NTNG2: variants seen among roughly 807,000 people sequenced by gnomAD.
The protein encoded by NTNG2 is netrin-G2.
In NTNG2, 15 loss-of-function variants were observed where a neutral mutation model predicts 47.6. The ratio of observed to expected loss-of-function variants is 0.32; its 90% CI spans 0.21 to 0.49. The LOEUF (loss-of-function observed/expected upper bound fraction) is 0.49. Ranked by LOEUF, NTNG2 falls within the 20% of genes least tolerant of loss-of-function variation. The pLI is 0.99. For synonymous variants in NTNG2, 307 were observed against 324.6 expected (o/e 0.95, Z 0.58); for missense variants, 578 against 764.6 (o/e 0.76, Z 2.88).
rs144738721 is a variant in NTNG2 at position 132,172,492 on chromosome 9, T to G, written c.213+5448T>G. ...GAGCACGGTGCTTGGCACATAGTAG[T>G]TGCTCACTGCGTGCTGGCTGTTGGG... On this transcript the variant is annotated intron_variant, in intron 2 of 7. Coordinates refer to ENST00000393229, the MANE Select transcript of NTNG2 (RefSeq NM_032536.4). Among the ~76,000 whole-genome samples the G allele has an allele frequency of 5.2e-3, 785 of 152,328 alleles. 6 individuals carry two copies. The highest frequency in any genetic ancestry group is 0.017 in the African/African-American group (720 of 41,566).
chr9:132,197,967 A>G lies in NTNG2; in HGVS notation c.215A>G (p.Glu72Gly). The G allele has an allele frequency of 1.9e-6, 3 of 1,608,864 alleles. No individual in the cohort carries two copies. Among genetic ancestry groups the G allele is most frequent in the Non-Finnish European group, 2.5e-6 (3 of 1,177,252 alleles). Residue 72 changes from glutamate to glycine, a missense_variant and splice_region_variant, in exon 3 of 8, where the codon GAG becomes GGG. Coordinates refer to ENST00000393229, the MANE Select transcript of NTNG2 (RefSeq NM_032536.4). The surrounding 1 kb of genome is among the most constrained non-coding windows in gnomAD (Gnocchi z 4.3). ...TCCCTTCTCCTCTCCCCGCTGCAGGAGAATCCCTACCTATGCAGCAACGAG... is the reference window on the plus strand; with the variant it reads ...TCCCTTCTCCTCTCCCCGCTGCAGGGGAATCCCTACCTATGCAGCAACGAG... ...GDPPERFCSH[E>G]NPYLCSNECD...
rs1468632525 is a variant in NTNG2 at position 132,195,091 on chromosome 9, TTTTCTTTCTTTCTC to T, written c.214-2861_214-2848del. 3.3e-5 allele frequency among the ~76,000 whole-genome samples: 5 copies of T among 152,354 alleles called. No homozygotes were observed. In the East Asian group the frequency reaches 9.6e-4, roughly 29 times the overall value. Reference sequence around the variant, plus strand: ...TGGTTGTTAGTGACAGTGTTCGTTTTTTTCTTTCTTTCTCTTTCTTTCTTTCTTTCATTCATTAA... The same window carrying T: ...TGGTTGTTAGTGACAGTGTTCGTTTTTTTCTTTCTTTCTTTCATTCATTAA... On this transcript the variant is annotated intron_variant, in intron 2 of 7. Transcript: ENST00000393229.
intron 2 of NTNG2, among the ~76,000 whole-genome samples, chr9:132,191,959 T>C (rs1458665069): frequency 4.6e-5 from 7 of 152,234 alleles, no homozygotes. Context: ...TCATGAAATA[T>C]TTAAAGAGGC....
At chr9:132,174,560 C>T (rs374814149) in intron 2 of NTNG2, among the ~76,000 whole-genome samples, 4 of 152,100 alleles carry the variant, frequency 2.6e-5, no homozygotes, top group Non-Finnish European at 5.9e-5. Flanking sequence ...CCTCGAAGGA[C>T]GTGTGTACAA....
intron 3 of NTNG2, among the ~76,000 whole-genome samples, chr9:132,202,063 G>A (rs1838801953): frequency 6.6e-6 from 1 of 152,238 alleles, no homozygotes; most frequent in African/African-American, 2.4e-5. Flanking sequence ...CTGGCCCGGT[G>A]GCTGCCTCAT....
rs1490559273 is a variant in NTNG2 at position 132,242,143 on chromosome 9, AGGCCGGG to A, written c.*35_*41del. 7 of 1,050,384 alleles carry A rather than the reference AGGCCGGG, an allele frequency of 6.7e-6. No individual in the cohort carries two copies. The highest frequency in any genetic ancestry group is 5.2e-5 in the Admixed American group (1 of 19,404). 65.1% of individuals were successfully genotyped at this position (1,050,384 alleles called of 1,614,324 possible). ...CCCGGAGGACGCTCCCCGCACCCGG[AGGCCGGG>A]GGTCCCGGGGTCCCGGGGCGGGGCC... On this transcript the variant is annotated 3_prime_UTR_variant, in exon 8 of 8. Coordinates refer to ENST00000393229, the MANE Select transcript of NTNG2 (RefSeq NM_032536.4). This position sits in a 1 kb window ranked among gnomAD's most constrained non-coding sequence, Gnocchi z 5.9.
Position 132,185,873 on chromosome 9 carries a change from AGTG to A in NTNG2, c.214-12091_214-12089del, listed in dbSNP as rs1564395929. Among the ~76,000 whole-genome samples, 962 of 146,034 alleles carry A rather than the reference AGTG, an allele frequency of 6.6e-3. 10 individuals are homozygous for A. The highest frequency in any genetic ancestry group is 0.023 in the African/African-American group (883 of 38,988). On this transcript the variant is annotated intron_variant, in intron 2 of 7. Transcript: ENST00000393229. ...GAGGAGGAGTGGGAGGAGGAGGAGGAGTGGGAGGAGGAGGAGGAGGGAAAGGAG... is the reference window on the plus strand; with the variant it reads ...GAGGAGGAGTGGGAGGAGGAGGAGGAGGAGGAGGAGGAGGAGGGAAAGGAG...
chr9:132,187,374 G>A (rs1484198213), intron 2 of NTNG2, among the ~76,000 whole-genome samples: 5 of 152,194 alleles, frequency 3.3e-5, no homozygotes, highest in African/African-American at 4.8e-5. Context: ...GTTGGTTTAC[G>A]CTGATTCACG....
rs187946271 is a variant in NTNG2 at position 132,231,481 on chromosome 9, C to A, written c.1054+886C>A. Reference sequence around the variant, plus strand: ...CCACCCAAGTTGTCCCTCCCGGACCCAGGGGGCCCCTGGCTGGGAAGCCAG... The same window carrying A: ...CCACCCAAGTTGTCCCTCCCGGACCAAGGGGGCCCCTGGCTGGGAAGCCAG... On this transcript the variant is annotated intron_variant, in intron 5 of 7. Transcript: ENST00000393229. This position sits in a 1 kb window ranked among gnomAD's most constrained non-coding sequence, Gnocchi z 4.1. 1.2e-4 allele frequency: 42 copies of A among 363,402 alleles called. No individual in the cohort carries two copies. The East Asian group carries it at 1.3e-3, about 11-fold the overall frequency. The allele number at this position is 363,402 out of a possible 1,614,324, so 22.5% of individuals were successfully genotyped here. A position where few individuals can be genotyped will look rare whatever the true frequency, so the allele number is the denominator to read the frequency against.
Position 132,215,373 on chromosome 9 carries a change from G to A in NTNG2, c.858-11476G>A, listed in dbSNP as rs957727235. On this transcript the variant is annotated intron_variant, in intron 3 of 7. Transcript: ENST00000393229. The surrounding 1 kb of genome is among the most constrained non-coding windows in gnomAD (Gnocchi z 4.2). Reference sequence around the variant, plus strand: ...AGGTGGGCGGATCATTTGAGGTCAGGAGTTTGAGACCAGCCTGGCCAACGT... The same window carrying A: ...AGGTGGGCGGATCATTTGAGGTCAGAAGTTTGAGACCAGCCTGGCCAACGT... Among the ~76,000 whole-genome samples, 32 of 152,058 alleles carry A rather than the reference G, an allele frequency of 2.1e-4. No individual in the cohort carries two copies. The highest frequency in any genetic ancestry group is 7.7e-4 in the African/African-American group (32 of 41,472).
At chr9:132,178,978 A>C (rs990251300) in intron 2 of NTNG2, among the ~76,000 whole-genome samples, 62 of 142,906 alleles carry the variant, frequency 4.3e-4, no homozygotes, top group African/African-American at 1.6e-3. Flanking sequence ...AAAAAAAAAA[A>C]AAAACTACTG....
intron 2 of NTNG2, among the ~76,000 whole-genome samples, chr9:132,171,104 G>T (rs887273595): frequency 6.6e-6 from 1 of 152,136 alleles, no homozygotes; most frequent in African/African-American, 2.4e-5. Flanking sequence ...TTGCCAAGGC[G>T]GGGGGTCTGT....
rs1589528133 is a variant in NTNG2, at chr9:132,226,964, A to C, written c.973A>C (p.Thr325Pro). 1 of 1,609,840 alleles carries C rather than the reference A, an allele frequency of 6.2e-7. No homozygotes were observed. The highest frequency in any genetic ancestry group is 8.5e-7 in the Non-Finnish European group (1 of 1,179,156). ...DCGKCKKNFR[T>P]RSWRAGSYLP... ...CGGCAAGTGCAAGAAGAATTTCCGCACCCGGTCCTGGCGGGCCGGCTCCTA... is the reference window on the plus strand; with the variant it reads ...CGGCAAGTGCAAGAAGAATTTCCGCCCCCGGTCCTGGCGGGCCGGCTCCTA... Residue 325 changes from threonine to proline, a missense_variant, in exon 4 of 8, where the codon ACC (threonine) becomes CCC (proline). Thr to Pro is a conservative substitution (Grantham distance 38). Coordinates refer to ENST00000393229, the MANE Select transcript of NTNG2 (RefSeq NM_032536.4). This position sits in a 1 kb window ranked among gnomAD's most constrained non-coding sequence, Gnocchi z 4.8.
At chr9:132,228,559 T>TC (rs1840966161) in intron 4 of NTNG2, among the ~76,000 whole-genome samples, 1 of 3,518 alleles carries the variant, frequency 2.8e-4, no homozygotes, top group Admixed American at 8.1e-3. Flanking sequence ...CACACCCTCC[T>TC]TTTTTTTTTT....
At chr9:132,170,899 G>T (rs117730917) in intron 2 of NTNG2, among the ~76,000 whole-genome samples, 2,724 of 152,326 alleles carry the variant, frequency 0.018, 74 homozygotes, top group Non-Finnish European at 0.022. Context: ...GAGCGCTGGG[G>T]TGGGGTTGGT....
intron 3 of NTNG2, among the ~76,000 whole-genome samples, chr9:132,202,228 AC>A (rs1278159815): frequency 6.6e-6 from 1 of 151,990 alleles, no homozygotes; most frequent in Non-Finnish European, 1.5e-5. Context: ...TCCAAGGGGG[AC>A]CCCAATGGCA....
intron 2 of NTNG2, among the ~76,000 whole-genome samples, chr9:132,190,232 CAAAAAAAAAAA>C (rs58974463): frequency 0.16 from 11,167 of 69,718 alleles, 568 homozygotes; most frequent in East Asian, 0.33. Flanking sequence ...GACTCCATCT[CAAAAAAAAAAA>C]AAAAAAAAAA....
intron 3 of NTNG2, among the ~76,000 whole-genome samples, chr9:132,204,165 C>T (rs1041150501): frequency 6.6e-6 from 1 of 152,154 alleles, no homozygotes; most frequent in Non-Finnish European, 1.5e-5. Context: ...AGAGGAAACC[C>T]GTGAGTTCCA....
At position 132,215,082 on chromosome 9, in the gene NTNG2, G is replaced by A. The variant is rs568731996; in HGVS notation, c.858-11767G>A. On this transcript the variant is annotated intron_variant, in intron 3 of 7. Transcript: ENST00000393229. The surrounding 1 kb of genome is among the most constrained non-coding windows in gnomAD (Gnocchi z 4.2). Reference sequence around the variant, plus strand: ...TTTAATTTTTTTGTAGAGATTGGGGGGGGGGGTCTCACTTTCTTGCCCAGG... The same window carrying A: ...TTTAATTTTTTTGTAGAGATTGGGGAGGGGGGTCTCACTTTCTTGCCCAGG... Among the ~76,000 whole-genome samples, 16 of 149,888 alleles carry A rather than the reference G, an allele frequency of 1.1e-4. No homozygotes were observed. Among genetic ancestry groups the A allele is most frequent in the East Asian group, 4.1e-4 (2 of 4,834 alleles).
Sources: allele counts gnomAD v4.1 joint callset (sites outside exome capture counted in the v4.1 genomes callset), GRCh38; gene constraint gnomAD v4.1.1; non-coding constraint Gnocchi (gnomAD v3.1); transcripts MANE v1.5; gene names NCBI Gene and HGNC (gene_info 2026-07-23, HGNC 2026-07-21).